C1orf21: variants seen among roughly 807,000 people sequenced by gnomAD.
C1orf21 encodes chromosome 1 open reading frame 21, also known as uncharacterized protein C1orf21.
C1orf21 carries 3 observed loss-of-function variants against 18.7 expected under a neutral mutation model. The ratio of observed to expected loss-of-function variants is 0.16; its 90% CI spans 0.07 to 0.42. The LOEUF (loss-of-function observed/expected upper bound fraction) is 0.42. Ranked by LOEUF, C1orf21 falls within the 10% of genes least tolerant of loss-of-function variation. The pLI is 0.99. For missense variants in C1orf21, 104 were observed against 143.6 expected (o/e 0.72, Z 1.41); for synonymous variants, 41 against 46.4 (o/e 0.88, Z 0.47).
At position 184,477,438 on chromosome 1, in the gene C1orf21, A is replaced by G. The variant is rs887159512; in HGVS notation, c.-72A>G. ...CAAGGTGGATTTTCTTTGTGTTTAA[A>G]GAAAAAAAATGTCCCTGTGTCTGTA... On this transcript the variant is annotated 5_prime_UTR_variant, in exon 2 of 6. Transcript: ENST00000235307. 3 of 1,306,006 alleles carry G rather than the reference A, an allele frequency of 2.3e-6. No homozygotes were observed. The highest frequency in any genetic ancestry group is 1.5e-5 in the African/African-American group (1 of 67,300). The allele number at this position is 1,306,006 out of a possible 1,614,324, so 80.9% of individuals were successfully genotyped here. A position where few individuals can be genotyped will look rare whatever the true frequency, so the allele number is the denominator to read the frequency against.
chr1:184,393,288 C>A (rs965406749), intron 1 of C1orf21, among the ~76,000 whole-genome samples: 7 of 152,192 alleles, frequency 4.6e-5, no homozygotes, highest in Non-Finnish European at 7.3e-5. Flanking sequence ...TTGCTTCCAG[C>A]CCAGTGACTC....
chr1:184,427,567 C>T (rs1300087239), intron 1 of C1orf21, among the ~76,000 whole-genome samples: 1 of 152,070 alleles, frequency 6.6e-6, no homozygotes, highest in Non-Finnish European at 1.5e-5. Context: ...TGATCTTGGG[C>T]AGGTTATTGA....
intron 3 of C1orf21, among the ~76,000 whole-genome samples, chr1:184,522,903 G>T (rs1019122763): frequency 6.6e-6 from 1 of 152,098 alleles, no homozygotes; most frequent in African/African-American, 2.4e-5. Context: ...GTCCAGGCTG[G>T]TCTTGAACTC....
chr1:184,587,788 A>G (rs1392135242), intron 3 of C1orf21, among the ~76,000 whole-genome samples: 2 of 150,900 alleles, frequency 1.3e-5, no homozygotes, highest in African/African-American at 2.4e-5. Flanking sequence ...GCTAATTTTT[A>G]TATTTTCGTA....
chr1:184,449,144 C>T (rs1469590881), intron 1 of C1orf21, among the ~76,000 whole-genome samples: 3 of 151,994 alleles, frequency 2.0e-5, no homozygotes, highest in African/African-American at 4.8e-5. Flanking sequence ...TGGTGTGCTG[C>T]ACCCATTAAC....
At chr1:184,455,049 T>C (rs1657177913) in intron 1 of C1orf21, among the ~76,000 whole-genome samples, 1 of 152,302 alleles carries the variant, frequency 6.6e-6, no homozygotes, top group East Asian at 1.9e-4. Flanking sequence ...CAATCAATTA[T>C]GTATTTGTCT....
intron 1 of C1orf21, among the ~76,000 whole-genome samples, chr1:184,447,701 A>T (rs1159105575): frequency 6.6e-6 from 1 of 152,104 alleles, no homozygotes; most frequent in Non-Finnish European, 1.5e-5. Flanking sequence ...TATTTGGTAC[A>T]ATGTCTCAGT....
At chr1:184,617,708 T>C (rs1245590162) in intron 5 of C1orf21, among the ~76,000 whole-genome samples, 5 of 152,118 alleles carry the variant, frequency 3.3e-5, no homozygotes, top group Non-Finnish European at 5.9e-5. Flanking sequence ...AGCCTAGAGA[T>C]GACACTGGAC....
chr1:184,398,752 G>T (rs1656102992), intron 1 of C1orf21, among the ~76,000 whole-genome samples: 1 of 152,220 alleles, frequency 6.6e-6, no homozygotes, highest in Admixed American at 6.5e-5. Flanking sequence ...TGGTATTTGT[G>T]TATCCAAACA....
chr1:184,466,148 G>A (rs12120604), intron 1 of C1orf21, among the ~76,000 whole-genome samples: 28,446 of 152,146 alleles, frequency 0.19, 3,337 homozygotes, highest in African/African-American at 0.34. Context: ...AAGGTCATTT[G>A]TGAGGTCCTA....
intron 3 of C1orf21, among the ~76,000 whole-genome samples, chr1:184,568,223 A>G (rs1038757702): frequency 3.5e-4 from 53 of 152,358 alleles, no homozygotes; most frequent in African/African-American, 1.3e-3. Context: ...TAAAATATAC[A>G]TAATATAAAA....
intron 1 of C1orf21, among the ~76,000 whole-genome samples, chr1:184,424,379 G>A (rs923744498): frequency 7.9e-5 from 12 of 152,102 alleles, no homozygotes; most frequent in African/African-American, 2.2e-4. Flanking sequence ...GCCTAAGATC[G>A]CAGAGCTAGT....
At chr1:184,524,336 A>G (rs145478554) in intron 3 of C1orf21, among the ~76,000 whole-genome samples, 8 of 152,298 alleles carry the variant, frequency 5.3e-5, no homozygotes, top group East Asian at 3.9e-4. Flanking sequence ...TGTTAATTCT[A>G]TTCTTACGTA....
chr1:184,607,680 T>C (rs1404603811), intron 5 of C1orf21, among the ~76,000 whole-genome samples: 1 of 150,946 alleles, frequency 6.6e-6, no homozygotes, highest in Non-Finnish European at 1.5e-5. Flanking sequence ...TGTATATATA[T>C]ACATATATGT....
intron 1 of C1orf21, among the ~76,000 whole-genome samples, chr1:184,435,437 A>T (rs1656842399): frequency 6.6e-6 from 1 of 152,132 alleles, no homozygotes; most frequent in African/African-American, 2.4e-5. Context: ...TCCGCCTCCC[A>T]AGTGCAAGCA....
intron 2 of C1orf21, among the ~76,000 whole-genome samples, chr1:184,498,353 C>T (rs1255472818): frequency 6.6e-6 from 1 of 152,196 alleles, no homozygotes; most frequent in Non-Finnish European, 1.5e-5. Flanking sequence ...ATATTTCTTC[C>T]TTAAGACATG....
intron 1 of C1orf21, among the ~76,000 whole-genome samples, chr1:184,434,054 C>T (rs1332347999): frequency 6.6e-6 from 1 of 152,168 alleles, no homozygotes; most frequent in Non-Finnish European, 1.5e-5. Flanking sequence ...AGCAGGCTTC[C>T]TCCCTGTGTA....
At chr1:184,568,508 A>G in intron 3 of C1orf21, 1 of 458,800 alleles carries the variant, frequency 2.2e-6, no homozygotes, top group South Asian at 1.6e-5. Flanking sequence ...AGGGAATAAT[A>G]TTTGATATTT....
chr1:184,587,262 C>CTTTTT (rs35263651), intron 3 of C1orf21, among the ~76,000 whole-genome samples: 2 of 76,450 alleles, frequency 2.6e-5, no homozygotes, highest in Non-Finnish European at 2.9e-5. Context: ...GCTATTTGGG[C>CTTTTT]TTTTTTTTTT....
Sources: gnomAD v4.1 joint callset for allele counts (sites outside exome capture counted in the v4.1 genomes callset) on GRCh38, gnomAD v4.1.1 for gene constraint, MANE v1.5 for transcripts, NCBI Gene and HGNC (gene_info 2026-07-23, HGNC 2026-07-21) for gene names.